Variants in NIM1K observed in about 807,000 individuals in gnomAD.
The protein encoded by NIM1K is NIM1 serine/threonine protein kinase.
Under a neutral mutation model 37.1 loss-of-function variants are expected in NIM1K, and 35 were observed. The observed-to-expected ratio is 0.94, with a 90% CI of 0.72 to 1.25. The LOEUF is 1.25. Among genes scored for constraint, NIM1K ranks in the 50% most tolerant of loss-of-function variants. The probability of loss-of-function intolerance (pLI) is 0.00; values close to 1 mark genes in which losing one functional copy is unlikely to be tolerated. For synonymous variants in NIM1K, 234 were observed against 206.6 expected, an observed-to-expected ratio of 1.13 and a Z score of -1.14; for missense variants, 564 against 548.0, an observed-to-expected ratio of 1.03 and a Z score of -0.29.
intron 1 of NIM1K, chr5:43,206,934 A>G (rs1246656920): frequency 2.6e-6 from 2 of 767,040 alleles, no homozygotes; most frequent in South Asian, 2.7e-5. Context: ...CAGAGTTACA[A>G]TGGTGATGCA....
In NIM1K at chr5:43,274,020, C is replaced by T. The variant is rs533201187; in HGVS notation, c.293-3037C>T. On this transcript the variant is annotated intron_variant, in intron 2 of 3. Coordinates refer to ENST00000326035, the MANE Select transcript of NIM1K (RefSeq NM_153361.4). ...TGGAATAGCAGTTTCTACCACCTAG[C>T]GACAATGTGGAATACCAGGGCTTCT... Among the ~76,000 whole-genome samples the T allele has an allele frequency of 3.4e-4, 51 of 152,216 alleles. 1 individual carries two copies. The highest frequency in any genetic ancestry group is 2.6e-3 in the Admixed American group (40 of 15,296).
At chr5:43,229,976 TTTGAAA>T (rs1752514890) in intron 1 of NIM1K, among the ~76,000 whole-genome samples, 1 of 152,094 alleles carries the variant, frequency 6.6e-6, no homozygotes, top group African/African-American at 2.4e-5. Context: ...GAAGACTTCC[TTTGAAA>T]TATCTCTACC....
intron 2 of NIM1K, among the ~76,000 whole-genome samples, chr5:43,258,645 G>A (rs1226343261): frequency 6.6e-6 from 1 of 152,032 alleles, no homozygotes; most frequent in African/African-American, 2.4e-5. Flanking sequence ...GTCCTGCTAT[G>A]TTGCCCAGAC....
chr5:43,262,201 G>A (rs960028062), intron 2 of NIM1K, among the ~76,000 whole-genome samples: 17 of 152,182 alleles, frequency 1.1e-4, no homozygotes, highest in Non-Finnish European at 2.5e-4. Context: ...ACCTTGGGCA[G>A]AATGACCATT....
At chr5:43,270,793 G>A (rs1053024749) in intron 2 of NIM1K, among the ~76,000 whole-genome samples, 4 of 152,162 alleles carry the variant, frequency 2.6e-5, no homozygotes, top group African/African-American at 7.2e-5. Context: ...GAGAGAGACA[G>A]GGGAACTTAG....
intron 1 of NIM1K, among the ~76,000 whole-genome samples, chr5:43,222,922 C>T (rs961899389): frequency 6.6e-6 from 1 of 151,890 alleles, no homozygotes; most frequent in Non-Finnish European, 1.5e-5. Flanking sequence ...GGGCAGATCA[C>T]GAGGTCAGGA....
chr5:43,251,356 C>T (rs1326620192), intron 2 of NIM1K, among the ~76,000 whole-genome samples: 2 of 152,190 alleles, frequency 1.3e-5, no homozygotes, highest in Admixed American at 6.5e-5. Flanking sequence ...CATGTTTTTA[C>T]GCTGTGATTC....
At position 43,213,217 on chromosome 5, in the gene NIM1K, CTTT is replaced by C. The variant is rs1561074904; in HGVS notation, c.-695+20807_-695+20809del. On this transcript the variant is annotated intron_variant, in intron 1 of 3. Coordinates refer to ENST00000326035, the MANE Select transcript of NIM1K (RefSeq NM_153361.4). Reference sequence around the variant, plus strand: ...TCTTTCTTTCTTTCTTTCTTTCTTTCTTTCTTTCCTTCTTTTCTTCCTTTCTTT... The same window carrying C: ...TCTTTCTTTCTTTCTTTCTTTCTTTCCTTTCCTTCTTTTCTTCCTTTCTTT... Among the ~76,000 whole-genome samples the C allele has an allele frequency of 3.5e-3, 158 of 45,360 alleles. 4 individuals carry two copies. The highest frequency in any genetic ancestry group is 0.011 in the African/African-American group (152 of 13,354). The allele number at this position is 45,360 out of a possible 152,430, so 29.8% of individuals were successfully genotyped here.
chr5:43,270,009 T>G (rs866979543), intron 2 of NIM1K, among the ~76,000 whole-genome samples: 3 of 152,234 alleles, frequency 2.0e-5, no homozygotes, highest in South Asian at 2.1e-4. Context: ...TTTCAAGATT[T>G]AGAAGTCCTT....
chr5:43,209,012 G>C (rs566755975), intron 1 of NIM1K, among the ~76,000 whole-genome samples: 1 of 152,288 alleles, frequency 6.6e-6, no homozygotes, highest in Admixed American at 6.5e-5. Context: ...GAAGTGCAAA[G>C]AAGGTCTTGA....
intron 1 of NIM1K, among the ~76,000 whole-genome samples, chr5:43,234,992 G>A (rs558025173): frequency 8.5e-5 from 13 of 152,236 alleles, no homozygotes; most frequent in Non-Finnish European, 1.6e-4. Context: ...AAGGATTAAT[G>A]TTTGATCCCA....
intron 2 of NIM1K, among the ~76,000 whole-genome samples, chr5:43,258,595 T>G (rs747576625): frequency 1.3e-5 from 2 of 151,960 alleles, no homozygotes; most frequent in Non-Finnish European, 2.9e-5. Context: ...GGGCATGCCA[T>G]CATGCCTGGC....
At chr5:43,195,624 G>T (rs2112189710) in intron 1 of NIM1K, among the ~76,000 whole-genome samples, 1 of 144,342 alleles carries the variant, frequency 6.9e-6, no homozygotes, top group East Asian at 2.0e-4. Flanking sequence ...TTATGCCACT[G>T]CATTCCATCC....
intron 1 of NIM1K, among the ~76,000 whole-genome samples, chr5:43,215,989 G>GCCTTTTTTCTCT: frequency 4.0e-5 from 6 of 151,336 alleles, no homozygotes; most frequent in African/African-American, 1.5e-4. Context: ...ATACATCACT[G>GCCTTTTTTCTCT]GGGATGCAGG....
chr5:43,228,645 C>A (rs922184257), intron 1 of NIM1K, among the ~76,000 whole-genome samples: 1 of 149,616 alleles, frequency 6.7e-6, no homozygotes, highest in African/African-American at 2.5e-5. Context: ...GCCAACATGG[C>A]AAAACCCTGT....
chr5:43,247,404 C>T lies in NIM1K; in HGVS notation c.292+1337C>T, dbSNP rs116922990. On this transcript the variant is annotated intron_variant, in intron 2 of 3. Coordinates refer to ENST00000326035, the MANE Select transcript of NIM1K (RefSeq NM_153361.4). ...AATGTTAGTTAGTTGCTTAATAAGC[C>T]TTGCCTTGCCTTGCCTCTGTGCAAC... Among the ~76,000 whole-genome samples the T allele has an allele frequency of 7.2e-4, 109 of 152,142 alleles. No homozygotes were observed. The East Asian group carries it at 0.019, about 27-fold the overall frequency.
chr5:43,205,502 C>A (rs1752095055), intron 1 of NIM1K, among the ~76,000 whole-genome samples: 1 of 152,142 alleles, frequency 6.6e-6, no homozygotes, highest in Non-Finnish European at 1.5e-5. Context: ...CTTACAATCT[C>A]AGCACTTTGT....
chr5:43,194,888 C>T (rs1172091440), intron 1 of NIM1K: 1 of 152,062 alleles, frequency 6.6e-6, no homozygotes, highest in Non-Finnish European at 1.5e-5. Context: ...GCATGACAGA[C>T]TTATCATACA....
intron 1 of NIM1K, among the ~76,000 whole-genome samples, chr5:43,217,700 CTCTG>C (rs1169534963): frequency 1.2e-3 from 167 of 142,722 alleles, no homozygotes; most frequent in African/African-American, 3.3e-3. Flanking sequence ...TATTCAGATC[CTCTG>C]TCTATTTTTT....
Sources: allele counts gnomAD v4.1 joint callset (sites outside exome capture counted in the v4.1 genomes callset), GRCh38; gene constraint gnomAD v4.1.1; transcripts MANE v1.5; gene names NCBI Gene and HGNC (gene_info 2026-07-23, HGNC 2026-07-21).